Variants in SIK3 observed in about 807,000 individuals in gnomAD.
The protein encoded by SIK3 is SIK family kinase 3.
SIK3 carries 28 observed loss-of-function variants against 144.2 expected under a neutral mutation model. That is an observed-to-expected ratio of 0.19 (90% CI 0.14 to 0.27). The LOEUF (loss-of-function observed/expected upper bound fraction) is 0.27. Among genes scored for constraint, SIK3 ranks in the 10% least tolerant of loss-of-function variants. The pLI, the probability that SIK3 is intolerant of heterozygous loss-of-function variation, is 1.00. For missense variants in SIK3, 1,319 were observed against 1,776.0 expected (o/e 0.74, Z 4.62); for synonymous variants, 686 against 676.3 (o/e 1.01, Z -0.22).
chr11:116,949,697 C>T (rs1025750266), intron 3 of SIK3, among the ~76,000 whole-genome samples: 1 of 152,140 alleles, frequency 6.6e-6, no homozygotes, highest in Non-Finnish European at 1.5e-5. Context: ...TCTCCCCCTG[C>T]GAACTAGCAA....
At chr11:116,999,767 A>G (rs918683411) in intron 1 of SIK3, among the ~76,000 whole-genome samples, 19 of 152,296 alleles carry the variant, frequency 1.2e-4, no homozygotes, top group African/African-American at 4.3e-4. Context: ...ACATTGCAGT[A>G]AATACTCTTA....
intron 1 of SIK3, among the ~76,000 whole-genome samples, chr11:117,053,393 A>G (rs1017368406): frequency 6.6e-6 from 1 of 152,008 alleles, no homozygotes; most frequent in Non-Finnish European, 1.5e-5. Flanking sequence ...TATGTAAGAA[A>G]TGCTTTGAGA....
At chr11:116,982,930 C>T (rs1362460168) in intron 1 of SIK3, among the ~76,000 whole-genome samples, 6 of 105,186 alleles carry the variant, frequency 5.7e-5, no homozygotes, top group Middle Eastern at 0.011. Context: ...GGTGACGGTA[C>T]GAGACTCCGT....
chr11:117,036,970 C>A (rs1952533053), intron 1 of SIK3, among the ~76,000 whole-genome samples: 1 of 152,148 alleles, frequency 6.6e-6, no homozygotes, highest in Non-Finnish European at 1.5e-5. Context: ...CATGCAAGAT[C>A]TTAACATTTT....
chr11:116,947,184 A>AATATATTATATATAAATTATTTATATATT lies in SIK3; in HGVS notation c.454+6859_454+6860insAATATATAAATAATTTATATATAATATAT, dbSNP rs1305739350. 1.6e-3 allele frequency among the ~76,000 whole-genome samples: 200 copies of AATATATTATATATAAATTATTTATATATT among 121,490 alleles called. 8 individuals carry two copies. Among genetic ancestry groups the AATATATTATATATAAATTATTTATATATT allele is most frequent in the African/African-American group, 7.2e-3 (193 of 26,788 alleles). 79.7% of individuals were successfully genotyped at this position (121,490 alleles called of 152,430 possible). A position where few individuals can be genotyped will look rare whatever the true frequency, so the allele number is the denominator to read the frequency against. On this transcript the variant is annotated intron_variant, in intron 3 of 24. Transcript: ENST00000445177. ...TATATATAAATTATTATTTATATAT[A>AATATATTATATATAAATTATTTATATATT]ATATATTATATACAAATTATTATTT...
At chr11:117,037,047 C>T (rs539115567) in intron 1 of SIK3, among the ~76,000 whole-genome samples, 2 of 152,132 alleles carry the variant, frequency 1.3e-5, no homozygotes, top group Admixed American at 1.3e-4. Context: ...AATATTTGAT[C>T]ATAGAAATTA....
chr11:117,004,951 C>A (rs1213888284), intron 1 of SIK3, among the ~76,000 whole-genome samples: 1 of 152,116 alleles, frequency 6.6e-6, no homozygotes, highest in Non-Finnish European at 1.5e-5. Context: ...GTACGGCTAC[C>A]TCAATTTAAT....
At chr11:116,933,790 A>G (rs868326288) in intron 3 of SIK3, among the ~76,000 whole-genome samples, 40 of 152,118 alleles carry the variant, frequency 2.6e-4, no homozygotes, top group African/African-American at 9.7e-4. Context: ...CTTAAATCTT[A>G]AATAAGATCA....
At chr11:117,025,245 A>G (rs990267767) in intron 1 of SIK3, among the ~76,000 whole-genome samples, 4 of 152,198 alleles carry the variant, frequency 2.6e-5, no homozygotes, top group Non-Finnish European at 5.9e-5. Context: ...GAAAAAAATC[A>G]CTGATCCGGT....
intron 1 of SIK3, among the ~76,000 whole-genome samples, chr11:116,972,844 C>T (rs1374609272): frequency 6.6e-6 from 1 of 152,038 alleles, no homozygotes; most frequent in African/African-American, 2.4e-5. Context: ...CTATTCATGC[C>T]TTTATGTAAT....
At chr11:117,057,554 G>T (rs1325877277) in intron 1 of SIK3, among the ~76,000 whole-genome samples, 1 of 152,176 alleles carries the variant, frequency 6.6e-6, no homozygotes, top group Non-Finnish European at 1.5e-5. Context: ...TCCGTCCTAG[G>T]CCATGGAAAT....
chr11:117,080,236 T>C (rs1034666690), intron 1 of SIK3, among the ~76,000 whole-genome samples: 1 of 152,194 alleles, frequency 6.6e-6, no homozygotes, highest in Admixed American at 6.5e-5. Context: ...AAAGGCTATT[T>C]GCCAGGGTTA....
chr11:117,023,621 A>ATATATATATATATATATATATAT (rs1555131640), intron 1 of SIK3, among the ~76,000 whole-genome samples: 9 of 95,368 alleles, frequency 9.4e-5, no homozygotes, highest in East Asian at 3.1e-4. Flanking sequence ...AAAAAAAAAA[A>ATATATATATATATATATATATAT]ATATATATAT....
intron 1 of SIK3, among the ~76,000 whole-genome samples, chr11:117,013,298 C>A (rs971943030): frequency 4.6e-5 from 7 of 152,074 alleles, no homozygotes; most frequent in South Asian, 2.1e-4. Flanking sequence ...CGAGACCAGC[C>A]TGGCCAACAT....
chr11:116,896,436 C>T (rs12790784), intron 5 of SIK3, 60 bp from the exon 6 acceptor site: 2 of 1,577,046 alleles, frequency 1.3e-6, no homozygotes, highest in Non-Finnish European at 1.7e-6. Context: ...AAAAAGACTA[C>T]TGTAGTGTGT....
chr11:116,876,325 C>G lies in SIK3; in HGVS notation c.1023G>C (p.Gln341His), dbSNP rs778918255. The G allele has an allele frequency of 1.7e-5, 27 of 1,614,252 alleles. No homozygotes were observed. Among genetic ancestry groups the G allele is most frequent in the Non-Finnish European group, 2.3e-5 (27 of 1,180,040 alleles). The part of the protein sequence containing the change: ...AECQQLKEER[Q>H]VDPLNEDVLL... ...GGACATCCTCATTCAGGGGGTCCACCTGTCTTTCTTCCTTTAGTTGTTGGC... is the reference window on the plus strand; with the variant it reads ...GGACATCCTCATTCAGGGGGTCCACGTGTCTTTCTTCCTTTAGTTGTTGGC... The change falls in exon 8 of 25, where the codon CAG (glutamine) becomes CAC (histidine). Residue 341 changes from glutamine to histidine, a missense_variant. Transcript: ENST00000445177.
At chr11:116,944,119 A>G (rs1234453839) in intron 3 of SIK3, among the ~76,000 whole-genome samples, 1 of 152,160 alleles carries the variant, frequency 6.6e-6, no homozygotes, top group East Asian at 1.9e-4. Flanking sequence ...GCCAAGGTGT[A>G]ATGTAGTTTT....
At chr11:117,061,211 C>T (rs1953777413) in intron 1 of SIK3, among the ~76,000 whole-genome samples, 1 of 151,984 alleles carries the variant, frequency 6.6e-6, no homozygotes, top group South Asian at 2.1e-4. Context: ...CATACCACTG[C>T]ACTCCTGGGC....
intron 21 of SIK3, among the ~76,000 whole-genome samples, chr11:116,855,000 C>T (rs959865684): frequency 7.0e-6 from 1 of 143,032 alleles, no homozygotes; most frequent in Non-Finnish European, 1.5e-5. Context: ...GCAGGAGAAT[C>T]GCTTGAACCC....
Sources: gnomAD v4.1 joint callset for allele counts (sites outside exome capture counted in the v4.1 genomes callset) on GRCh38, gnomAD v4.1.1 for gene constraint, MANE v1.5 for transcripts, NCBI Gene and HGNC (gene_info 2026-07-23, HGNC 2026-07-21) for gene names.